LRRC53: variants seen among roughly 807,000 people sequenced by gnomAD.
LRRC53 encodes the protein leucine-rich repeat-containing protein 53.
A neutral mutation model predicts 13.6 loss-of-function variants in LRRC53; 25 were observed. The observed-to-expected ratio is 1.83, with a 90% CI of 1.34 to 2.56. LRRC53 has a LOEUF of 2.56. Ranked by LOEUF, LRRC53 falls within the 30% of genes most tolerant of loss-of-function variation. The probability of loss-of-function intolerance (pLI) is 0.00; values close to 1 mark genes in which losing one functional copy is unlikely to be tolerated. For missense variants in LRRC53, 527 were observed against 275.8 expected (o/e 1.91, Z -6.45); for synonymous variants, 204 against 109.8 (o/e 1.86, Z -5.37).
At chr1:74,532,319 G>A in the LRRC53 span, among the ~76,000 whole-genome samples, 1 of 152,066 alleles carries the variant, frequency 6.6e-6, no homozygotes, top group African/African-American at 2.4e-5. Context: ...GATTATAAGG[G>A]ATGTTTCTCT....
At chr1:74,524,216 G>GGCAT in the LRRC53 span, among the ~76,000 whole-genome samples, 1 of 152,220 alleles carries the variant, frequency 6.6e-6, no homozygotes, top group Admixed American at 6.5e-5. Flanking sequence ...ACCATCAGAA[G>GGCAT]TATTTAGAGG....
the LRRC53 span, among the ~76,000 whole-genome samples, chr1:74,535,004 G>A: frequency 8.6e-5 from 13 of 151,120 alleles, no homozygotes; most frequent in African/African-American, 2.7e-4. Flanking sequence ...CAGTGGTAAC[G>A]TATAGCCAGA....
At chr1:74,494,500 C>A (rs1669232070) in intron 1 of LRRC53, among the ~76,000 whole-genome samples, 1 of 152,110 alleles carries the variant, frequency 6.6e-6, no homozygotes, top group Non-Finnish European at 1.5e-5. Context: ...TTCAAAAGGA[C>A]CCATAGGCCA....
Position 74,478,860 on chromosome 1 carries a change from A to G in LRRC53, c.904+1293T>C, listed in dbSNP as rs144628243. Among the ~76,000 whole-genome samples the G allele has an allele frequency of 1.4e-3, 217 of 152,290 alleles. 2 individuals carry two copies. The highest frequency in any genetic ancestry group is 3.2e-4 in the Non-Finnish European group (22 of 68,030). On this transcript the variant is annotated intron_variant, in intron 3 of 4. Transcript: ENST00000294635. The stretch of plus-strand genomic sequence containing the variant: ...TGCTGCCCTATCACTTATGTCTTTT[A>G]TGGTAAATTATTTCTTAGCACATAC...
intron 1 of LRRC53, among the ~76,000 whole-genome samples, chr1:74,501,508 T>G (rs953608016): frequency 5.7e-5 from 6 of 104,752 alleles, no homozygotes; most frequent in South Asian, 6.2e-4. Flanking sequence ...TTGTTTGTTT[T>G]TTGAGACTGG....
chr1:74,526,881 G>A, the LRRC53 span, among the ~76,000 whole-genome samples: 4 of 152,154 alleles, frequency 2.6e-5, no homozygotes, highest in Admixed American at 1.3e-4. Context: ...TTTCTGTAAA[G>A]TTTTATTGGA....
chr1:74,520,668 C>T, the LRRC53 span, among the ~76,000 whole-genome samples: 7 of 151,916 alleles, frequency 4.6e-5, 1 homozygote, highest in South Asian at 1.5e-3. Context: ...GTATGGTCTG[C>T]TTCCATTTTT....
At chr1:74,532,458 T>C in the LRRC53 span, among the ~76,000 whole-genome samples, 1 of 108,120 alleles carries the variant, frequency 9.2e-6, no homozygotes, top group East Asian at 4.2e-4. Context: ...ATTATTATTT[T>C]TTTCTTTTTT....
At chr1:74,523,449 T>A in the LRRC53 span, among the ~76,000 whole-genome samples, 10 of 152,164 alleles carry the variant, frequency 6.6e-5, no homozygotes, top group South Asian at 4.1e-4. Context: ...TTCTTTTTTT[T>A]AATTTTCTTT....
intron 1 of LRRC53, among the ~76,000 whole-genome samples, chr1:74,493,602 A>G (rs879241142): frequency 6.6e-6 from 1 of 152,224 alleles, no homozygotes; most frequent in South Asian, 2.1e-4. Flanking sequence ...TCAGGGATAT[A>G]CAATCATAAT....
chr1:74,484,924 C>T (rs1668677763), intron 1 of LRRC53, among the ~76,000 whole-genome samples: 1 of 151,922 alleles, frequency 6.6e-6, no homozygotes, highest in Non-Finnish European at 1.5e-5. Flanking sequence ...AAATAGGAGG[C>T]AATTGTAGTA....
Position 74,483,195 on chromosome 1 carries a change from G to T in LRRC53, c.88+67C>A, listed in dbSNP as rs555199427. 5 of 706,342 alleles carry T rather than the reference G, an allele frequency of 7.1e-6. No homozygotes were observed. In the East Asian group the frequency reaches 1.3e-4, roughly 19 times the overall value. 43.8% of individuals were successfully genotyped at this position (706,342 alleles called of 1,614,324 possible). A position where few individuals can be genotyped will look rare whatever the true frequency, so the allele number is the denominator to read the frequency against. On this transcript the variant is annotated intron_variant, in intron 2 of 4. Coordinates refer to ENST00000294635, the MANE Select transcript of LRRC53 (RefSeq NM_001382280.1). ...GAGCCCAGAGAACAGTCAGTACAAT[G>T]AAAGGTATGGCAACCAATTTTCCAG...
chr1:74,490,050 TAAAAAAAAAAAAAA>T (rs36063099), intron 1 of LRRC53, among the ~76,000 whole-genome samples: 10 of 42,910 alleles, frequency 2.3e-4, no homozygotes, highest in African/African-American at 5.7e-4. Flanking sequence ...TTTTTTTTTC[TAAAAAAAAAAAAAA>T]AAAAAAAAAA....
upstream of LRRC53, among the ~76,000 whole-genome samples, chr1:74,513,099 C>G (rs758159879): frequency 7.2e-5 from 11 of 152,188 alleles, no homozygotes; most frequent in Non-Finnish European, 1.0e-4. Context: ...TAGAATCAAC[C>G]TAGCACACAG....
intron 1 of LRRC53, among the ~76,000 whole-genome samples, chr1:74,490,584 A>G (rs934256271): frequency 6.6e-6 from 1 of 152,226 alleles, no homozygotes; most frequent in Non-Finnish European, 1.5e-5. Context: ...TGAATGGGCT[A>G]TATGCTGACA....
chr1:74,480,899 A>C lies in LRRC53; in HGVS notation c.158T>G (p.Leu53Arg). The C allele has an allele frequency of 1.4e-6, 1 of 717,446 alleles. No homozygotes were observed. The highest frequency in any genetic ancestry group is 1.7e-5 in the African/African-American group (1 of 57,378). 44.4% of individuals were successfully genotyped at this position (717,446 alleles called of 1,614,324 possible). Residue 53 changes from leucine (L) to arginine (R), a missense_variant, in exon 3 of 5, where the codon CTG becomes CGG. Transcript: ENST00000294635. ...CAGGGCAAGATTAAACAAGAGAGAC[A>C]GGTTTGTGCTCTCAATAGAGGAGAG... ...GYLSSIESTN[L>R]SLLFNLALLS...
At chr1:74,528,037 A>G in the LRRC53 span, among the ~76,000 whole-genome samples, 66,737 of 152,008 alleles carry the variant, frequency 0.44, 16,118 homozygotes, top group Non-Finnish European at 0.56. Flanking sequence ...GAGTACCCTG[A>G]CAGAGGAGAT....
chr1:74,488,259 C>A (rs147257833), intron 1 of LRRC53, among the ~76,000 whole-genome samples: 82 of 152,188 alleles, frequency 5.4e-4, no homozygotes, highest in African/African-American at 2.0e-3. Flanking sequence ...CACTCCACTG[C>A]TCCCACTGCT....
chr1:74,479,648 A>C (rs1403597829), intron 3 of LRRC53, among the ~76,000 whole-genome samples: 1 of 152,222 alleles, frequency 6.6e-6, no homozygotes, highest in African/African-American at 2.4e-5. Flanking sequence ...TGAGATTGCC[A>C]TAATAGCATC....
Sources: allele counts gnomAD v4.1 joint callset (sites outside exome capture counted in the v4.1 genomes callset), GRCh38; gene constraint gnomAD v4.1.1; transcripts MANE v1.5; gene names NCBI Gene and HGNC (gene_info 2026-07-23, HGNC 2026-07-21).